Variants in ZCCHC7 observed in about 807,000 individuals in gnomAD.
ZCCHC7 encodes zinc finger CCHC-type containing 7.
A neutral mutation model predicts 52.0 loss-of-function variants in ZCCHC7; 35 were observed. The observed-to-expected ratio is 0.67, with a 90% CI of 0.51 to 0.89. The LOEUF is 0.89. Among genes scored for constraint, ZCCHC7 ranks in the 40% least tolerant of loss-of-function variants. The pLI is 0.00. For missense variants in ZCCHC7, 574 were observed against 649.1 expected (o/e 0.88, Z 1.26); for synonymous variants, 217 against 221.5 (o/e 0.98, Z 0.18).
At chr9:37,139,235 A>T (rs991247263) in intron 2 of ZCCHC7, among the ~76,000 whole-genome samples, 2 of 152,044 alleles carry the variant, frequency 1.3e-5, no homozygotes, top group Non-Finnish European at 2.9e-5. Context: ...TAAATTAAAG[A>T]TACTGGCATG....
intron 2 of ZCCHC7, among the ~76,000 whole-genome samples, chr9:37,243,140 A>C (rs1825945312): frequency 6.6e-6 from 1 of 151,850 alleles, no homozygotes; most frequent in African/African-American, 2.4e-5. Context: ...GGAAATACAG[A>C]ATTATTTCTG....
At chr9:37,344,587 A>G (rs1169014764) in intron 6 of ZCCHC7, among the ~76,000 whole-genome samples, 1 of 152,216 alleles carries the variant, frequency 6.6e-6, no homozygotes, top group Non-Finnish European at 1.5e-5. Flanking sequence ...CAGACATCAC[A>G]TACATGGCTT....
chr9:37,293,425 A>C (rs926550618), intron 2 of ZCCHC7, among the ~76,000 whole-genome samples: 2 of 152,198 alleles, frequency 1.3e-5, no homozygotes, highest in Non-Finnish European at 2.9e-5. Context: ...AGATAGATAG[A>C]AACTTTTATA....
intron 2 of ZCCHC7, among the ~76,000 whole-genome samples, chr9:37,142,285 T>C (rs1190974636): frequency 1.3e-5 from 2 of 151,700 alleles, no homozygotes; most frequent in African/African-American, 4.8e-5. Flanking sequence ...TAATTTTAGA[T>C]TTTTTTCCTT....
chr9:37,282,250 A>G (rs901894827), intron 2 of ZCCHC7, among the ~76,000 whole-genome samples: 1 of 152,218 alleles, frequency 6.6e-6, no homozygotes, highest in African/African-American at 2.4e-5. Flanking sequence ...TGAACTGTAC[A>G]CTTAAGAATG....
chr9:37,135,416 G>A (rs1842956599), intron 2 of ZCCHC7, among the ~76,000 whole-genome samples: 1 of 151,996 alleles, frequency 6.6e-6, no homozygotes, highest in African/African-American at 2.4e-5. Flanking sequence ...AAAATTAATA[G>A]GCTCAGGTTT....
intron 2 of ZCCHC7, among the ~76,000 whole-genome samples, chr9:37,195,355 T>C (rs1322156539): frequency 1.3e-5 from 2 of 152,222 alleles, no homozygotes; most frequent in African/African-American, 4.8e-5. Context: ...ATAACTGTTA[T>C]TTAGCCACTA....
chr9:37,130,249 A>G (rs1283920720), intron 2 of ZCCHC7, among the ~76,000 whole-genome samples: 3 of 151,322 alleles, frequency 2.0e-5, no homozygotes, highest in Non-Finnish European at 4.4e-5. Context: ...AAAAAAAAAA[A>G]AAAGATAAGT....
At chr9:37,220,328 G>A (rs570335883) in intron 2 of ZCCHC7, among the ~76,000 whole-genome samples, 1 of 152,206 alleles carries the variant, frequency 6.6e-6, no homozygotes, top group African/African-American at 2.4e-5. Context: ...ATTACTTGAG[G>A]TCAGGAGTTC....
At chr9:37,322,367 C>G (rs1830087974) in intron 5 of ZCCHC7, 1 of 151,972 alleles carries the variant, frequency 6.6e-6, no homozygotes, top group Non-Finnish European at 1.5e-5. Context: ...CTTGACTAAT[C>G]TTAAAACCCC....
At chr9:37,349,250 T>G (rs999092540) in intron 6 of ZCCHC7, 107 bp from the exon 7 acceptor site, 56 of 1,097,538 alleles carry the variant, frequency 5.1e-5, no homozygotes, top group Non-Finnish European at 7.3e-5. Flanking sequence ...CATACAAAAC[T>G]CTAAGAAACT....
At chr9:37,327,742 C>T (rs1277787054) in intron 5 of ZCCHC7, 57 bp from the exon 6 acceptor site, 2 of 1,601,590 alleles carry the variant, frequency 1.2e-6, no homozygotes, top group Middle Eastern at 1.7e-4. Context: ...CCAAAACCAA[C>T]AGGCTGTAAA....
rs527263076 is a variant in ZCCHC7 at position 37,354,468 on chromosome 9, C to T, written c.1084-242C>T. ...AGGCAGAAAAGGCTGAAAAAAGATA[C>T]GAAGGGTTTCATAGGTAAAGAAGTA... On this transcript the variant is annotated intron_variant, in intron 7 of 8. Coordinates refer to ENST00000336755, the MANE Select transcript of ZCCHC7 (RefSeq NM_032226.3). This position sits in a 1 kb window ranked among gnomAD's most constrained non-coding sequence, Gnocchi z 4.0. Among the ~76,000 whole-genome samples the T allele has an allele frequency of 2.0e-5, 3 of 152,164 alleles. No homozygotes were observed. Among genetic ancestry groups the T allele is most frequent in the South Asian group, 2.1e-4 (1 of 4,822 alleles).
In ZCCHC7 at chr9:37,137,233, G is replaced by A. The variant is rs188337727; in HGVS notation, c.610+10291G>A. ...TATATGAGATGCTCCAGCAGAATAC[G>A]TAATCATTCCAGGTGAATGCAGTAG... is the stretch of plus-strand genomic sequence containing the variant. On this transcript the variant is annotated intron_variant, in intron 2 of 8. Coordinates refer to ENST00000336755, the MANE Select transcript of ZCCHC7 (RefSeq NM_032226.3). 3.3e-5 allele frequency among the ~76,000 whole-genome samples: 5 copies of A among 152,246 alleles called. No individual in the cohort carries two copies. The East Asian group carries it at 5.8e-4, about 18-fold the overall frequency.
chr9:37,301,838 G>A (rs1157802643), intron 2 of ZCCHC7, among the ~76,000 whole-genome samples: 1 of 152,204 alleles, frequency 6.6e-6, no homozygotes, highest in African/African-American at 2.4e-5. Context: ...ATCTGCTGTT[G>A]TATTTTTGGG....
At chr9:37,253,587 A>G (rs1223319650) in intron 2 of ZCCHC7, among the ~76,000 whole-genome samples, 2 of 152,040 alleles carry the variant, frequency 1.3e-5, no homozygotes, top group African/African-American at 4.8e-5. Context: ...TAAATTGACC[A>G]CGTGACACAC....
chr9:37,182,750 G>A (rs916282228), intron 2 of ZCCHC7, among the ~76,000 whole-genome samples: 10 of 152,192 alleles, frequency 6.6e-5, no homozygotes, highest in African/African-American at 2.4e-4. Context: ...ATTTTTTGAG[G>A]TTTCAGTATA....
intron 5 of ZCCHC7, chr9:37,327,514 T>C (rs182273523): frequency 5.6e-6 from 2 of 358,144 alleles, no homozygotes; most frequent in East Asian, 4.3e-5. Flanking sequence ...TTTAACTGAG[T>C]TATGGCTCTT....
At chr9:37,274,331 C>CTTTTTTTTT (rs10653910) in intron 2 of ZCCHC7, among the ~76,000 whole-genome samples, 5 of 76,680 alleles carry the variant, frequency 6.5e-5, no homozygotes, top group African/African-American at 2.7e-4. Flanking sequence ...TATCTAATTT[C>CTTTTTTTTT]TTTTTTTTTT....
Sources: gnomAD v4.1 joint callset for allele counts (sites outside exome capture counted in the v4.1 genomes callset) on GRCh38, gnomAD v4.1.1 for gene constraint, Gnocchi (gnomAD v3.1) non-coding constraint, MANE v1.5 for transcripts, NCBI Gene and HGNC (gene_info 2026-07-23, HGNC 2026-07-21) for gene names.